Variants in THADA observed in about 807,000 individuals in gnomAD.
The protein encoded by THADA is tRNA (32-2'-O)-methyltransferase regulator THADA.
A neutral mutation model predicts 219.8 loss-of-function variants in THADA; 213 were observed. The ratio of observed to expected loss-of-function variants is 0.97; its 90% CI spans 0.87 to 1.09. The LOEUF is 1.09. Ranked by LOEUF, THADA falls within the 50% of genes least tolerant of loss-of-function variation. THADA has a pLI of 0.00. For synonymous variants in THADA, 1,018 were observed against 828.9 expected, an observed-to-expected ratio of 1.23 and a Z score of -3.92; for missense variants, 2,956 against 2,311.3, an observed-to-expected ratio of 1.28 and a Z score of -5.72.
chr2:43,268,009 AG>A (rs1043263466), intron 36 of THADA, among the ~76,000 whole-genome samples: 1 of 152,094 alleles, frequency 6.6e-6, no homozygotes, highest in Admixed American at 6.6e-5. Context: ...GAAGCAGGAG[AG>A]GGGGAAAGGA....
intron 36 of THADA, among the ~76,000 whole-genome samples, chr2:43,262,041 G>A (rs1391321332): frequency 1.3e-5 from 2 of 152,180 alleles, no homozygotes; most frequent in Non-Finnish European, 2.9e-5. Context: ...CAAAGTGCTG[G>A]GTGTGCATTT....
At chr2:43,321,658 GC>G (rs1171149332) in intron 30 of THADA, among the ~76,000 whole-genome samples, 1 of 152,152 alleles carries the variant, frequency 6.6e-6, no homozygotes, top group African/African-American at 2.4e-5. Flanking sequence ...AGATGCCAGT[GC>G]CATCTGTTAC....
chr2:43,513,207 G>A (rs116579797), intron 22 of THADA, among the ~76,000 whole-genome samples: 3,385 of 152,268 alleles, frequency 0.022, 38 homozygotes, highest in African/African-American at 0.032. Flanking sequence ...GTTATTATGA[G>A]AAAAGCAAGT....
At chr2:43,374,430 A>T (rs549239169) in intron 29 of THADA, among the ~76,000 whole-genome samples, 1 of 152,344 alleles carries the variant, frequency 6.6e-6, no homozygotes, top group Admixed American at 6.5e-5. Flanking sequence ...CAATCAGCAA[A>T]TATATGTAAG....
At chr2:43,255,822 G>C (rs1007317930) in intron 36 of THADA, among the ~76,000 whole-genome samples, 5 of 152,158 alleles carry the variant, frequency 3.3e-5, no homozygotes, top group Non-Finnish European at 4.4e-5. Context: ...ACAGGCCCCG[G>C]GTGGGTGAGG....
intron 22 of THADA, among the ~76,000 whole-genome samples, chr2:43,511,100 G>C (rs1690381165): frequency 6.6e-6 from 1 of 151,918 alleles, no homozygotes; most frequent in South Asian, 2.1e-4. Context: ...AATATCTGTG[G>C]GCTTAATTTA....
intron 22 of THADA, among the ~76,000 whole-genome samples, chr2:43,518,164 G>A (rs552045710): frequency 1.3e-5 from 2 of 152,018 alleles, no homozygotes; most frequent in African/African-American, 2.4e-5. Flanking sequence ...CCTATAACAC[G>A]GCCTGATACC....
At chr2:43,380,297 A>C (rs570908243) in intron 29 of THADA, among the ~76,000 whole-genome samples, 2 of 152,384 alleles carry the variant, frequency 1.3e-5, no homozygotes, top group African/African-American at 4.8e-5. Context: ...ACTAAAGACA[A>C]AAGAAATGTA....
intron 30 of THADA, among the ~76,000 whole-genome samples, chr2:43,336,948 G>T (rs1666522844): frequency 1.3e-5 from 2 of 152,138 alleles, no homozygotes. Context: ...GGCCCATTGT[G>T]GCCACGTGGG....
intron 25 of THADA, among the ~76,000 whole-genome samples, chr2:43,494,539 C>T (rs1688034098): frequency 6.6e-6 from 1 of 152,142 alleles, no homozygotes; most frequent in Non-Finnish European, 1.5e-5. Flanking sequence ...AGTTTTGTGT[C>T]CTTAGGCAGA....
intron 20 of THADA, among the ~76,000 whole-genome samples, chr2:43,542,007 A>G (rs2103819588): frequency 6.6e-6 from 1 of 152,334 alleles, no homozygotes; most frequent in East Asian, 1.9e-4. Context: ...TTTTAAAATC[A>G]AAGGAAAATA....
At chr2:43,239,436 C>T (rs1668392977) in intron 36 of THADA, among the ~76,000 whole-genome samples, 1 of 152,230 alleles carries the variant, frequency 6.6e-6, no homozygotes, top group African/African-American at 2.4e-5. Context: ...CTACAAATCT[C>T]AGCCTCTGAT....
chr2:43,463,977 C>G (rs1039689316), intron 26 of THADA, among the ~76,000 whole-genome samples: 4 of 152,058 alleles, frequency 2.6e-5, no homozygotes, highest in Admixed American at 6.6e-5. Context: ...AGCTTTATTA[C>G]TAATACATTC....
At chr2:43,432,715 A>G (rs978024361) in intron 26 of THADA, among the ~76,000 whole-genome samples, 3 of 152,106 alleles carry the variant, frequency 2.0e-5, no homozygotes, top group Admixed American at 1.3e-4. Context: ...CTTTGTAGCC[A>G]TCCTTGTGGG....
chr2:43,410,243 C>G (rs1217700180), intron 28 of THADA, among the ~76,000 whole-genome samples: 1 of 152,092 alleles, frequency 6.6e-6, no homozygotes, highest in African/African-American at 2.4e-5. Context: ...ACTGAGCATA[C>G]CAAGTGTTGG....
At chr2:43,319,908 TTG>T in intron 31 of THADA, among the ~76,000 whole-genome samples, 1 of 152,260 alleles carries the variant, frequency 6.6e-6, no homozygotes, top group East Asian at 1.9e-4. Flanking sequence ...AAAAACCACT[TTG>T]CAAATCATGA....
intron 21 of THADA, among the ~76,000 whole-genome samples, chr2:43,529,108 C>T (rs1574097099): frequency 6.6e-6 from 1 of 152,110 alleles, no homozygotes; most frequent in Non-Finnish European, 1.5e-5. Context: ...TTCCTACATG[C>T]TGTCTTTCTC....
At chr2:43,321,601 C>T (rs149186651) in intron 30 of THADA, among the ~76,000 whole-genome samples, 2 of 152,168 alleles carry the variant, frequency 1.3e-5, no homozygotes, top group South Asian at 2.1e-4. Context: ...CTCTGTCTTG[C>T]GTGCTCTTTT....
At chr2:43,504,603 G>C (rs935922820) in intron 24 of THADA, among the ~76,000 whole-genome samples, 2 of 152,150 alleles carry the variant, frequency 1.3e-5, no homozygotes, top group African/African-American at 4.8e-5. Context: ...CTATAGGCTG[G>C]GCATGGTGGC....
Sources: gnomAD v4.1 joint callset for allele counts (sites outside exome capture counted in the v4.1 genomes callset) on GRCh38, gnomAD v4.1.1 for gene constraint, MANE v1.5 for transcripts, NCBI Gene and HGNC (gene_info 2026-07-23, HGNC 2026-07-21) for gene names.